RIMS1: variants seen among roughly 807,000 people sequenced by gnomAD.
RIMS1 encodes regulating synaptic membrane exocytosis protein 1.
Under a neutral mutation model 214.1 loss-of-function variants are expected in RIMS1, and 83 were observed. The ratio of observed to expected loss-of-function variants is 0.39; its 90% CI spans 0.32 to 0.47. The LOEUF (loss-of-function observed/expected upper bound fraction) is 0.47, where lower values mean the gene tolerates loss of function less well. Among genes scored for constraint, RIMS1 ranks in the 20% least tolerant of loss-of-function variants. The pLI is 0.99. For synonymous variants in RIMS1, 793 were observed against 786.8 expected (o/e 1.01, Z -0.13); for missense variants, 2,050 against 2,161.8 (o/e 0.95, Z 1.03).
intron 1 of RIMS1, among the ~76,000 whole-genome samples, chr6:71,955,099 C>G (rs765221259): frequency 2.3e-4 from 35 of 151,732 alleles, no homozygotes; most frequent in Non-Finnish European, 4.6e-4. Flanking sequence ...GTTAGTTATT[C>G]TATTGATGGA....
intron 29 of RIMS1, among the ~76,000 whole-genome samples, chr6:72,373,954 C>T (rs1179276875): frequency 6.6e-6 from 1 of 152,004 alleles, no homozygotes; most frequent in Admixed American, 6.6e-5. Flanking sequence ...CTCACTCTGT[C>T]ACCAGGCTGG....
intron 2 of RIMS1, among the ~76,000 whole-genome samples, chr6:72,068,371 A>T (rs1829811953): frequency 6.6e-6 from 1 of 150,608 alleles, no homozygotes; most frequent in South Asian, 2.1e-4. Flanking sequence ...CCACAAAAAA[A>T]TCATCGTGCT....
intron 11 of RIMS1, 104 bp downstream of exon 11, chr6:72,245,965 A>G: frequency 1.3e-6 from 1 of 758,262 alleles, no homozygotes. Flanking sequence ...GGGTTACTAT[A>G]CTAAAGATGT....
chr6:72,367,754 T>C lies in RIMS1; in HGVS notation c.4367-22844T>C, dbSNP rs1352799953. 3.3e-5 allele frequency among the ~76,000 whole-genome samples: 5 copies of C among 152,196 alleles called. No individual in the cohort carries two copies. The East Asian group carries it at 5.8e-4, about 18-fold the overall frequency. Reference sequence around the variant, plus strand: ...TAAACATATAATCTGTGCAGTACTATCCATATTTATCAGTAACTTCCTTTC... The same window carrying C: ...TAAACATATAATCTGTGCAGTACTACCCATATTTATCAGTAACTTCCTTTC... On this transcript the variant is annotated intron_variant, in intron 29 of 33. Coordinates refer to ENST00000521978, the MANE Select transcript of RIMS1 (RefSeq NM_014989.7).
intron 2 of RIMS1, among the ~76,000 whole-genome samples, chr6:72,057,568 C>T (rs1456879476): frequency 6.8e-6 from 1 of 146,054 alleles, no homozygotes; most frequent in Non-Finnish European, 1.5e-5. Flanking sequence ...AGTGCAGTGG[C>T]GCCATCTCGG....
intron 1 of RIMS1, among the ~76,000 whole-genome samples, chr6:71,956,212 G>C (rs772937678): frequency 1.3e-5 from 2 of 151,858 alleles, no homozygotes; most frequent in Non-Finnish European, 2.9e-5. Context: ...ATTTTCCCAC[G>C]TATCTAATTT....
intron 4 of RIMS1, among the ~76,000 whole-genome samples, chr6:72,161,166 A>G (rs2045345321): frequency 7.1e-6 from 1 of 140,394 alleles, no homozygotes. Flanking sequence ...TTTCTAGTTT[A>G]TTTGCATAGA....
intron 2 of RIMS1, among the ~76,000 whole-genome samples, chr6:72,095,463 A>G (rs1005971758): frequency 1.3e-5 from 2 of 152,206 alleles, no homozygotes; most frequent in Admixed American, 6.5e-5. Context: ...ATTAAATGAA[A>G]TATCACATAT....
intron 2 of RIMS1, among the ~76,000 whole-genome samples, chr6:72,058,707 GTCC>G (rs1344337026): frequency 6.6e-6 from 1 of 152,182 alleles, no homozygotes; most frequent in Admixed American, 6.5e-5. Context: ...ATTCAGAGGA[GTCC>G]TCCTTCCTCT....
chr6:72,187,893 T>C (rs1190120373), intron 6 of RIMS1, among the ~76,000 whole-genome samples: 1 of 152,096 alleles, frequency 6.6e-6, no homozygotes, highest in Admixed American at 6.5e-5. Context: ...TAAGGAGTAT[T>C]GACTCACAGG....
intron 29 of RIMS1, among the ~76,000 whole-genome samples, chr6:72,338,657 A>G (rs1038020066): frequency 1.3e-5 from 2 of 152,040 alleles, no homozygotes; most frequent in Non-Finnish European, 1.5e-5. Context: ...TGGGCGAAGG[A>G]TATGAACAGA....
intron 15 of RIMS1, among the ~76,000 whole-genome samples, chr6:72,252,267 T>G (rs150889208): frequency 6.6e-6 from 1 of 152,240 alleles, no homozygotes; most frequent in East Asian, 1.9e-4. Flanking sequence ...TTCCTCAAAG[T>G]TAATGTTTAA....
chr6:71,903,458 C>G (rs1023309600), intron 1 of RIMS1, among the ~76,000 whole-genome samples: 1 of 152,018 alleles, frequency 6.6e-6, no homozygotes, highest in African/African-American at 2.4e-5. Context: ...GATTTCATGA[C>G]CAAAACGTCA....
intron 2 of RIMS1, among the ~76,000 whole-genome samples, chr6:72,014,407 C>T (rs1217495988): frequency 2.0e-5 from 3 of 152,206 alleles, no homozygotes; most frequent in South Asian, 2.1e-4. Context: ...TTTCAAGGTT[C>T]ATCCTTGATG....
rs140594308 is a variant in RIMS1, at chr6:72,038,976, A to G, written c.246-57973A>G. 5.5e-3 allele frequency among the ~76,000 whole-genome samples: 835 copies of G among 152,298 alleles called. 7 individuals carry two copies. Among genetic ancestry groups the G allele is most frequent in the African/African-American group, 0.019 (797 of 41,570 alleles). On this transcript the variant is annotated intron_variant, in intron 2 of 33. Coordinates refer to ENST00000521978, the MANE Select transcript of RIMS1 (RefSeq NM_014989.7). ...GATGTATTTACGGTTTATAACTTGA[A>G]AAAATATTTCTTTTAATTAGCAGTG...
chr6:72,280,714 T>C (rs2089673098), intron 23 of RIMS1, among the ~76,000 whole-genome samples: 1 of 152,086 alleles, frequency 6.6e-6, no homozygotes, highest in African/African-American at 2.4e-5. Flanking sequence ...GGTTAGATTA[T>C]GAGCCTTTGC....
intron 1 of RIMS1, among the ~76,000 whole-genome samples, chr6:71,913,500 C>A (rs1220147640): frequency 1.3e-5 from 2 of 152,098 alleles, no homozygotes; most frequent in African/African-American, 4.8e-5. Flanking sequence ...TGCCCCCGCC[C>A]CATCTCTTTG....
At chr6:72,287,596 C>CTT (rs1292522207) in intron 24 of RIMS1, among the ~76,000 whole-genome samples, 3 of 140,646 alleles carry the variant, frequency 2.1e-5, no homozygotes, top group Admixed American at 7.1e-5. Flanking sequence ...GCTCTGCAAA[C>CTT]TTTTTTTTTT....
chr6:71,997,744 G>A (rs1803899418), intron 2 of RIMS1, among the ~76,000 whole-genome samples: 1 of 152,092 alleles, frequency 6.6e-6, no homozygotes, highest in Non-Finnish European at 1.5e-5. Context: ...AGAGAAGCTG[G>A]CTAATACAGG....
Sources: allele counts gnomAD v4.1 joint callset (sites outside exome capture counted in the v4.1 genomes callset), GRCh38; gene constraint gnomAD v4.1.1; transcripts MANE v1.5; gene names NCBI Gene and HGNC (gene_info 2026-07-23, HGNC 2026-07-21).